PIGK: variants seen among roughly 807,000 people sequenced by gnomAD.
The protein encoded by PIGK is phosphatidylinositol glycan anchor biosynthesis class K, also known as GPI-anchor transamidase.
PIGK carries 42 observed loss-of-function variants against 50.6 expected under a neutral mutation model. That is an observed-to-expected ratio of 0.83 (90% confidence interval 0.65 to 1.07). PIGK has a LOEUF of 1.07. Among genes scored for constraint, PIGK ranks in the 50% least tolerant of loss-of-function variants. The probability of loss-of-function intolerance (pLI) is 0.00; values close to 1 mark genes in which losing one functional copy is unlikely to be tolerated. For missense variants in PIGK, 448 were observed against 488.7 expected (o/e 0.92, Z 0.78); for synonymous variants, 151 against 156.0 (o/e 0.97, Z 0.24).
chr1:77,131,995 T>C (rs1311134290), intron 9 of PIGK, among the ~76,000 whole-genome samples: 1 of 152,014 alleles, frequency 6.6e-6, no homozygotes, highest in East Asian at 1.9e-4. Context: ...TCTGCTGTCT[T>C]GTTTGCAGTT....
intron 5 of PIGK, among the ~76,000 whole-genome samples, chr1:77,166,370 A>G (rs1191944105): frequency 6.6e-6 from 1 of 152,162 alleles, no homozygotes; most frequent in Non-Finnish European, 1.5e-5. Context: ...ACCATTATAA[A>G]GTTTTAAGCA....
At chr1:77,151,881 G>T (rs932515294) in intron 9 of PIGK, among the ~76,000 whole-genome samples, 1 of 152,126 alleles carries the variant, frequency 6.6e-6, no homozygotes, top group Non-Finnish European at 1.5e-5. Context: ...CTCATGGATT[G>T]CACGAAATAA....
rs1229936326 is a variant in PIGK, at chr1:77,122,291, G to C, written c.1055C>G (p.Ala352Gly). 1 of 1,592,808 alleles carries C rather than the reference G, an allele frequency of 6.3e-7. No individual in the cohort carries two copies. Among genetic ancestry groups the C allele is most frequent in the South Asian group, 1.1e-5 (1 of 90,428 alleles). The change falls in exon 10 of 11, where the codon GCT becomes GGT. Residue 352 changes from alanine (A) to glycine (G), a missense_variant. Coordinates refer to ENST00000370812, the MANE Select transcript of PIGK (RefSeq NM_005482.3). ...PLKYAEQLPV[A>G]QIIHQKPKLK... is the part of the protein sequence containing the mutation. The stretch of plus-strand genomic sequence containing the variant: ...AATGCAAACCTGGTGTATTATCTGA[G>C]CTACAGGAAGTTGTTCAGCATATTT...
In PIGK at chr1:77,202,066, AT is replaced by A. The variant is rs201771836; in HGVS notation, c.239+4573del. Among the ~76,000 whole-genome samples the A allele has an allele frequency of 2.5e-3, 378 of 151,734 alleles. 3 individuals are homozygous for A. Among genetic ancestry groups the A allele is most frequent in the African/African-American group, 8.4e-3 (347 of 41,264 alleles). ...GAGTGAGACAATCAAAAAAAAAAAA[AT>A]ACCTGACTAAAAACAACCAGACTAT... On this transcript the variant is annotated intron_variant, in intron 3 of 10. Coordinates refer to ENST00000370812, the MANE Select transcript of PIGK (RefSeq NM_005482.3).
chr1:77,146,119 G>A (rs1412141110), intron 9 of PIGK, among the ~76,000 whole-genome samples: 2 of 151,842 alleles, frequency 1.3e-5, no homozygotes, highest in South Asian at 2.1e-4. Context: ...AATGTTACTG[G>A]AATATTTGGA....
chr1:77,199,033 A>C (rs1656096827), intron 3 of PIGK, among the ~76,000 whole-genome samples: 1 of 152,096 alleles, frequency 6.6e-6, no homozygotes, highest in African/African-American at 2.4e-5. Context: ...CTTCAGTATC[A>C]AAATCTTCCT....
intron 1 of PIGK, among the ~76,000 whole-genome samples, chr1:77,214,332 C>T (rs1656498580): frequency 6.6e-6 from 1 of 151,916 alleles, no homozygotes; most frequent in East Asian, 1.9e-4. Context: ...GATAATACAC[C>T]ACAATAGAGT....
Position 77,161,315 on chromosome 1 carries a change from G to C in PIGK, c.793C>G (p.Gln265Glu). 1 of 1,552,506 alleles carries C rather than the reference G, an allele frequency of 6.4e-7. No homozygotes were observed. Among genetic ancestry groups the C allele is most frequent in the South Asian group, 1.1e-5 (1 of 89,704 alleles). ...CTTACAAGGTCATTCATATTAGTTT[G>C]GCTAGCTGGGTTAATTTCTTCCAAA... ...EFLEEINPAS[Q>E]TNMNDLFQVC... is the part of the protein sequence containing the mutation. Residue 265 changes from glutamine to glutamate, a missense_variant, in exon 8 of 11, where the codon CAA becomes GAA. Gln to Glu is a conservative substitution (Grantham distance 29). Transcript: ENST00000370812.
intron 2 of PIGK, among the ~76,000 whole-genome samples, chr1:77,209,236 C>T (rs753812713): frequency 6.6e-5 from 10 of 151,998 alleles, no homozygotes; most frequent in Non-Finnish European, 1.5e-5. Context: ...TTAAATGAAA[C>T]TCCAGTAATG....
At chr1:77,166,690 A>AC in intron 5 of PIGK, 29 bp downstream of exon 5, 1 of 1,064,966 alleles carries the variant, frequency 9.4e-7, no homozygotes, top group Non-Finnish European at 1.4e-6. Context: ...AATATACTCT[A>AC]CTATAAAAAC....
intron 9 of PIGK, among the ~76,000 whole-genome samples, chr1:77,131,979 T>C (rs1280067633): frequency 2.0e-5 from 3 of 150,674 alleles, no homozygotes; most frequent in East Asian, 1.9e-4. Context: ...GTAAAAACCA[T>C]CTAAGTCTGC....
chr1:77,114,836 GA>G (rs973916239), intron 10 of PIGK, among the ~76,000 whole-genome samples: 1 of 152,080 alleles, frequency 6.6e-6, no homozygotes, highest in African/African-American at 2.4e-5. Context: ...AAAAATAAAT[GA>G]AAAATGTATT....
rs189529187 is a variant in PIGK at position 77,106,874 on chromosome 1, G to A, written c.1072-14384C>T. Among the ~76,000 whole-genome samples, 443 of 152,124 alleles carry A rather than the reference G, an allele frequency of 2.9e-3. 1 individual carries two copies. Among genetic ancestry groups the A allele is most frequent in the African/African-American group, 9.4e-3 (391 of 41,502 alleles). The stretch of plus-strand genomic sequence containing the variant: ...TAAAAGTAAACATTAATTTATTTGC[G>A]TAGAGGTGTTTATAGTATTCTCTGA... On this transcript the variant is annotated intron_variant, in intron 10 of 10. Transcript: ENST00000370812.
At chr1:77,139,162 T>C (rs1347772897) in intron 9 of PIGK, among the ~76,000 whole-genome samples, 1 of 152,102 alleles carries the variant, frequency 6.6e-6, no homozygotes, top group Non-Finnish European at 1.5e-5. Context: ...TAGGTTTCTA[T>C]ATTAGTACAT....
At position 77,122,373 on chromosome 1, in the gene PIGK, T is replaced by C. The variant is rs567134134; in HGVS notation, c.987-14A>G. On this transcript the variant is annotated splice_polypyrimidine_tract_variant and intron_variant, in intron 9 of 10. Transcript: ENST00000370812. ...TCTTCCTTATAGCTGGAAAAGATAATTTAAAAACACAGAGCTAAGGCAAAT... is the reference window on the plus strand; with the variant it reads ...TCTTCCTTATAGCTGGAAAAGATAACTTAAAAACACAGAGCTAAGGCAAAT... 2 of 1,469,954 alleles carry C rather than the reference T, an allele frequency of 1.4e-6. No homozygotes were observed. The highest frequency in any genetic ancestry group is 1.4e-5 in the African/African-American group (1 of 72,146). 91.1% of individuals were successfully genotyped at this position (1,469,954 alleles called of 1,614,324 possible). A position where few individuals can be genotyped will look rare whatever the true frequency, so the allele number is the denominator to read the frequency against.
intron 9 of PIGK, among the ~76,000 whole-genome samples, chr1:77,125,308 C>G (rs1221777847): frequency 6.6e-6 from 1 of 152,150 alleles, no homozygotes; most frequent in Non-Finnish European, 1.5e-5. Flanking sequence ...GATACCATGA[C>G]AGTTCACATC....
At chr1:77,114,151 A>G (rs77213925) in intron 10 of PIGK, among the ~76,000 whole-genome samples, 1,951 of 152,256 alleles carry the variant, frequency 0.013, 46 homozygotes, top group African/African-American at 0.044. Context: ...AGCCTTTGTG[A>G]AAAAATGTTC....
intron 9 of PIGK, among the ~76,000 whole-genome samples, chr1:77,140,734 T>C (rs902938150): frequency 2.0e-5 from 3 of 152,172 alleles, no homozygotes; most frequent in South Asian, 2.1e-4. Flanking sequence ...ACTAAAACCA[T>C]ACAAGATTAA....
intron 10 of PIGK, among the ~76,000 whole-genome samples, chr1:77,110,942 C>A (rs1048876506): frequency 6.6e-6 from 1 of 152,100 alleles, no homozygotes; most frequent in Non-Finnish European, 1.5e-5. Context: ...AACAAGTGGG[C>A]AAAGGATATG....
Sources: allele counts gnomAD v4.1 joint callset (sites outside exome capture counted in the v4.1 genomes callset), GRCh38; gene constraint gnomAD v4.1.1; transcripts MANE v1.5; gene names NCBI Gene and HGNC (gene_info 2026-07-23, HGNC 2026-07-21).